The following ABCB6 variants were observed in gnomAD, a reference collection of about 807,000 sequenced individuals.
ABCB6 encodes the protein ATP binding cassette subfamily B member 6 (LAN blood group), also known as ATP-binding cassette sub-family B member 6.
ABCB6 carries 87 observed loss-of-function variants against 99.4 expected under a neutral mutation model. The observed-to-expected ratio is 0.88, with a 90% CI of 0.74 to 1.05. The LOEUF is 1.05. Among genes scored for constraint, ABCB6 ranks in the 50% least tolerant of loss-of-function variants. The probability of loss-of-function intolerance (pLI) is 0.00; values close to 1 mark genes in which losing one functional copy is unlikely to be tolerated. For missense variants in ABCB6, 1,050 were observed against 1,097.9 expected, an observed-to-expected ratio of 0.96 and a Z score of 0.62; for synonymous variants, 482 against 447.5, an observed-to-expected ratio of 1.08 and a Z score of -0.97.
At chr2:219,214,875 G>A in intron 6 of ABCB6, 86 bp downstream of exon 6, 1 of 1,537,574 alleles carries the variant, frequency 6.5e-7, no homozygotes, top group Non-Finnish European at 8.9e-7. Context: ...GCCTCCCATA[G>A]GTGGGTCACT....
rs1295119873 is a variant in ABCB6, at chr2:219,214,184, C to T, written c.1389G>A (p.Val463=). ...CGTAACTCTCGGCGTTGTAATACTT[C>T]ACCTGATGAATTCAAACCAAATTTA... ...AVDSLLNFET[V]KYYNAESYEV... Residue 463 remains valine (V), a splice_region_variant and synonymous_variant, in exon 8 of 19, where the codon GTG becomes GTA. Coordinates refer to ENST00000265316, the MANE Select transcript of ABCB6 (RefSeq NM_005689.4). 1.2e-6 allele frequency: 2 copies of T among 1,614,076 alleles called. No homozygotes were observed. The highest frequency in any genetic ancestry group is 8.5e-7 in the Non-Finnish European group (1 of 1,180,036).
rs548516506 is a variant in ABCB6 at position 219,215,055 on chromosome 2, C to T, written c.1182G>A (p.Thr394=). The T allele has an allele frequency of 2.8e-5, 46 of 1,614,080 alleles. No homozygotes were observed. The highest frequency in any genetic ancestry group is 2.2e-4 in the South Asian group (20 of 91,086). ...TGATGCCAATGATGATGTCGGCCAGCGTGGGGATGACATTGAACACCAGGT... is the reference window on the plus strand; with the variant it reads ...TGATGCCAATGATGATGTCGGCCAGTGTGGGGATGACATTGAACACCAGGT... ...LSYLVFNVIP[T]LADIIIGIIY... is the part of the protein sequence containing the mutation. The change falls in exon 6 of 19, where the codon ACG becomes ACA. Residue 394 remains threonine, a synonymous_variant. Transcript: ENST00000265316.
chr2:219,218,605 C>A lies in ABCB6; in HGVS notation c.69G>T (p.Leu23=), dbSNP rs1285784492. 12 of 1,612,194 alleles carry A rather than the reference C, an allele frequency of 7.4e-6. No individual in the cohort carries two copies. The East Asian group carries it at 2.5e-4, about 33-fold the overall frequency. ...CGAGCGTGAAGAAGAAGCAGGGACT[C>A]AGGCCATCCTGCATCCAGGCCGGAC... ...PVGPAWMQDG[L]SPCFFFTLVP... Residue 23 remains leucine (L), a synonymous_variant, in exon 1 of 19, where the codon CTG becomes CTT. Coordinates refer to ENST00000265316, the MANE Select transcript of ABCB6 (RefSeq NM_005689.4).
chr2:219,212,448 A>G lies in ABCB6; in HGVS notation c.1907T>C (p.Leu636Pro), dbSNP rs773335440. 6 of 1,614,182 alleles carry G rather than the reference A, an allele frequency of 3.7e-6. No individual in the cohort carries two copies. The East Asian group carries it at 1.3e-4, about 36-fold the overall frequency. Reference protein sequence around the residue: ...GAGKSTILRLLFRFYDISSGC... With the variant: ...GAGKSTILRLPFRFYDISSGC... ...AGAGCTGATGTCGTAGAAGCGAAACAGCAGGCGCAAAATTGTGCTCTTCCC... is the reference window on the plus strand; with the variant it reads ...AGAGCTGATGTCGTAGAAGCGAAACGGCAGGCGCAAAATTGTGCTCTTCCC... Residue 636 changes from leucine (L) to proline (P), a missense_variant, in exon 14 of 19, where the codon CTG becomes CCG. Coordinates refer to ENST00000265316, the MANE Select transcript of ABCB6 (RefSeq NM_005689.4).
rs761979425 is a variant in ABCB6 at position 219,216,862 on chromosome 2, C to T, written c.688-30G>A. 1.9e-6 allele frequency: 3 copies of T among 1,586,474 alleles called. No homozygotes were observed. Among genetic ancestry groups the T allele is most frequent in the East Asian group, 4.5e-5 (2 of 44,378 alleles). On this transcript the variant is annotated intron_variant, in intron 2 of 18. Coordinates refer to ENST00000265316, the MANE Select transcript of ABCB6 (RefSeq NM_005689.4). This position sits in a 1 kb window ranked among gnomAD's most constrained non-coding sequence, Gnocchi z 4.2. ...GATGGTGAAACACGTAGGAAGGGAG[C>T]TCAGAAATCAAGTAAGTGCACTAGC...
intron 7 of ABCB6, 28 bp from the exon 8 acceptor site, chr2:219,214,214 G>T: frequency 1.2e-6 from 2 of 1,606,910 alleles, no homozygotes; most frequent in Non-Finnish European, 1.7e-6. Context: ...AATTTATTTG[G>T]CATGGGCACA....
intron 16 of ABCB6, 56 bp downstream of exon 16, chr2:219,210,655 A>C: frequency 1.2e-6 from 2 of 1,609,880 alleles, no homozygotes; most frequent in Non-Finnish European, 1.7e-6. Context: ...AGTGCCCAGG[A>C]GGAACGGCTT....
In ABCB6 at chr2:219,216,828, C is replaced by A; in HGVS notation, c.692G>T (p.Arg231Leu). The A allele has an allele frequency of 1.9e-6, 3 of 1,611,360 alleles. No homozygotes were observed. The highest frequency in any genetic ancestry group is 2.5e-6 in the Non-Finnish European group (3 of 1,179,166). Residue 231 changes from arginine (R) to leucine (L), a missense_variant, in exon 3 of 19, where the codon CGG (arginine) becomes CTG (leucine). Physicochemically the swap from Arg to Leu is moderately radical, Grantham distance 102. Transcript: ENST00000265316. This position sits in a 1 kb window ranked among gnomAD's most constrained non-coding sequence, Gnocchi z 4.2. ...EDQDVERSQV[R>L]SAAQQSTWRD... The stretch of plus-strand genomic sequence containing the variant: ...CCAGGTAGACTGTTGGGCTGCTGAC[C>A]GAACCTAGGATGGTGAAACACGTAG...
At chr2:219,212,330 T>G in intron 14 of ABCB6, 57 bp downstream of exon 14, 1 of 1,474,420 alleles carries the variant, frequency 6.8e-7, no homozygotes, top group South Asian at 1.1e-5. Context: ...CAGCCAGCCC[T>G]TATCATTCCT....
In ABCB6 at chr2:219,215,040, G is replaced by A. The variant is rs1431681173; in HGVS notation, c.1197C>T (p.Ile399=). 2 of 1,614,070 alleles carry A rather than the reference G, an allele frequency of 1.2e-6. No homozygotes were observed. The highest frequency in any genetic ancestry group is 4.5e-5 in the East Asian group (2 of 44,904). ...FNVIPTLADI[I]IGIIYFSMFF... ...ACATGCTGAAGTAGATGATGCCAAT[G>A]ATGATGTCGGCCAGCGTGGGGATGA... The change falls in exon 6 of 19, where the codon ATC becomes ATT. Residue 399 remains isoleucine (I), a synonymous_variant. Coordinates refer to ENST00000265316, the MANE Select transcript of ABCB6 (RefSeq NM_005689.4).
chr2:219,213,714 G>A (rs778742182), intron 9 of ABCB6, 48 bp from the exon 10 acceptor site: 22 of 1,613,086 alleles, frequency 1.4e-5, no homozygotes, highest in East Asian at 2.2e-5. Context: ...CCTGCAGGCC[G>A]CTCTTCTTGT....
chr2:219,213,666 C>T lies in ABCB6; in HGVS notation c.1579G>A (p.Val527Ile). The T allele has an allele frequency of 1.9e-6, 3 of 1,614,182 alleles. No homozygotes were observed. The highest frequency in any genetic ancestry group is 1.1e-5 in the South Asian group (1 of 91,090). The change falls in exon 10 of 19, where the codon GTT (valine) becomes ATT (isoleucine). Residue 527 changes from valine (V) to isoleucine (I), a missense_variant and splice_region_variant. Val to Ile is a conservative substitution (Grantham distance 29). Transcript: ENST00000265316. ...AYFVTEQKLQVGDYVLFGTYI... is the reference protein window; with the variant it reads ...AYFVTEQKLQIGDYVLFGTYI... ...GTGCCAAAGAGCACATAGTCCCCAA[C>T]CTGTGGCAATCAAGGAAGCAGAGCA...
chr2:219,211,770 T>TTC (rs973965339), intron 14 of ABCB6, among the ~76,000 whole-genome samples: 11 of 149,208 alleles, frequency 7.4e-5, no homozygotes, highest in African/African-American at 2.5e-4. Flanking sequence ...GCTAATTTTT[T>TTC]TTTTTTTTTT....
chr2:219,213,776 A>C, intron 9 of ABCB6, 50 bp downstream of exon 9: 2 of 1,613,624 alleles, frequency 1.2e-6, no homozygotes, highest in South Asian at 1.1e-5. Flanking sequence ...CACAGGCCTC[A>C]GGCCCCCTTT....
intron 5 of ABCB6, 82 bp downstream of exon 5, chr2:219,215,915 G>T (rs1574815179): frequency 2.1e-6 from 3 of 1,396,150 alleles, no homozygotes; most frequent in Non-Finnish European, 2.8e-6. Flanking sequence ...CTCAGGCGGG[G>T]TCTGTTCTCT....
intron 7 of ABCB6, 81 bp from the exon 8 acceptor site, chr2:219,214,267 T>C (rs1331828188): frequency 1.3e-6 from 2 of 1,520,984 alleles, no homozygotes; most frequent in African/African-American, 2.7e-5. Flanking sequence ...TCAATCCTCC[T>C]TCCTGAGTTC....
Position 219,216,772 on chromosome 2 carries a change from T to C in ABCB6, c.748A>G (p.Ser250Gly), listed in dbSNP as rs11538186. 6 of 1,612,192 alleles carry C rather than the reference T, an allele frequency of 3.7e-6. No individual in the cohort carries two copies. The highest frequency in any genetic ancestry group is 5.1e-6 in the Non-Finnish European group (6 of 1,179,452). Residue 250 changes from serine (S) to glycine (G), a missense_variant, in exon 3 of 19, where the codon AGT becomes GGT. By Grantham distance (56) the Ser-to-Gly change is moderately conservative. Coordinates refer to ENST00000265316, the MANE Select transcript of ABCB6 (RefSeq NM_005689.4). The surrounding 1 kb of genome is among the most constrained non-coding windows in gnomAD (Gnocchi z 4.2). ...CTCCCTCGAGGCCACAGGTAGCCAC[T>C]CAGGAGGCGGAGCTTCCTGCCAAAA... Reference protein sequence around the residue: ...RDFGRKLRLLSGYLWPRGSPA... With the variant: ...RDFGRKLRLLGGYLWPRGSPA...
chr2:219,216,883 C>A lies in ABCB6; in HGVS notation c.688-51G>T. 1 of 1,534,232 alleles carries A rather than the reference C, an allele frequency of 6.5e-7. No individual in the cohort carries two copies. The highest frequency in any genetic ancestry group is 8.8e-7 in the Non-Finnish European group (1 of 1,137,288). Reference sequence around the variant, plus strand: ...GGAGCTCAGAAATCAAGTAAGTGCACTAGCCAGAAACCCTTCAGGGAAAAA... The same window carrying A: ...GGAGCTCAGAAATCAAGTAAGTGCAATAGCCAGAAACCCTTCAGGGAAAAA... On this transcript the variant is annotated intron_variant, in intron 2 of 18. Coordinates refer to ENST00000265316, the MANE Select transcript of ABCB6 (RefSeq NM_005689.4). This position sits in a 1 kb window ranked among gnomAD's most constrained non-coding sequence, Gnocchi z 4.2.
At chr2:219,217,908 C>T in intron 1 of ABCB6, 101 bp from the exon 2 acceptor site, 1 of 1,340,462 alleles carries the variant, frequency 7.5e-7, no homozygotes, top group Non-Finnish European at 1.0e-6. Flanking sequence ...ACACATTCAG[C>T]ACTTACAGGC....
Sources: gnomAD v4.1 joint callset for allele counts (sites outside exome capture counted in the v4.1 genomes callset) on GRCh38, gnomAD v4.1.1 for gene constraint, Gnocchi (gnomAD v3.1) non-coding constraint, MANE v1.5 for transcripts, NCBI Gene and HGNC (gene_info 2026-07-23, HGNC 2026-07-21) for gene names.